TRPM6: variants seen among roughly 807,000 people sequenced by gnomAD.
TRPM6 encodes channel kinase 2.
Under a neutral mutation model 247.6 loss-of-function variants are expected in TRPM6, and 111 were observed. The observed-to-expected ratio is 0.45, with a 90% CI of 0.38 to 0.52. The LOEUF is 0.52. Ranked by LOEUF, TRPM6 falls within the 20% of genes least tolerant of loss-of-function variation. TRPM6 has a pLI of 0.00. For synonymous variants in TRPM6, 892 were observed against 853.8 expected (o/e 1.04, Z -0.78); for missense variants, 2,126 against 2,421.5 (o/e 0.88, Z 2.56).
At chr9:74,860,848 T>C (rs1277589797) in intron 1 of TRPM6, among the ~76,000 whole-genome samples, 1 of 152,012 alleles carries the variant, frequency 6.6e-6, no homozygotes. Context: ...TGAAACCCTG[T>C]CTCTACAAAA....
At chr9:74,875,313 T>G (rs1564062495) in intron 1 of TRPM6, 1 of 452,304 alleles carries the variant, frequency 2.2e-6, no homozygotes, top group African/African-American at 2.0e-5. Flanking sequence ...GAGACCGAGG[T>G]GGGTGGATCA....
chr9:74,793,693 C>A (rs766755855), intron 18 of TRPM6, among the ~76,000 whole-genome samples: 1 of 152,196 alleles, frequency 6.6e-6, no homozygotes, highest in Admixed American at 6.5e-5. Flanking sequence ...AGGATTCTGA[C>A]CTTCGATAGC....
At chr9:74,795,848 A>C (rs1165417032) in intron 18 of TRPM6, among the ~76,000 whole-genome samples, 2 of 152,208 alleles carry the variant, frequency 1.3e-5, no homozygotes, top group Non-Finnish European at 2.9e-5. Context: ...TCAGTGAGTA[A>C]ATGCAGTATT....
chr9:74,841,940 C>T lies in TRPM6; in HGVS notation c.330+226G>A, dbSNP rs146482795. Among the ~76,000 whole-genome samples, 889 of 152,046 alleles carry T rather than the reference C, an allele frequency of 5.8e-3. 12 individuals carry two copies. The highest frequency in any genetic ancestry group is 0.019 in the African/African-American group (784 of 41,484). On this transcript the variant is annotated intron_variant, in intron 4 of 38. Transcript: ENST00000360774. Reference sequence around the variant, plus strand: ...GGCAGAAACCTGTTAGTAGAAACCCCGTCTCTACTAAAAATACAAAATTAG... The same window carrying T: ...GGCAGAAACCTGTTAGTAGAAACCCTGTCTCTACTAAAAATACAAAATTAG...
intron 27 of TRPM6, among the ~76,000 whole-genome samples, chr9:74,755,696 T>C (rs1207657453): frequency 1.3e-5 from 2 of 152,210 alleles, no homozygotes. Flanking sequence ...CTCCACACCT[T>C]GGTTCTTAAT....
intron 19 of TRPM6, among the ~76,000 whole-genome samples, chr9:74,790,777 A>T (rs1402367966): frequency 2.0e-5 from 3 of 152,204 alleles, no homozygotes. Flanking sequence ...TAAGCAAAAG[A>T]CTACAAACAT....
At chr9:74,833,932 C>T (rs961778827) in intron 6 of TRPM6, 66 bp downstream of exon 6, 13 of 1,598,036 alleles carry the variant, frequency 8.1e-6, no homozygotes, top group Non-Finnish European at 1.1e-5. Flanking sequence ...CATCCAGGTA[C>T]AGTGTTAAGC....
At chr9:74,840,281 G>C (rs1564041455) in intron 4 of TRPM6, 44 bp from the exon 5 acceptor site, 1 of 1,422,238 alleles carries the variant, frequency 7.0e-7, no homozygotes, top group Non-Finnish European at 9.8e-7. Flanking sequence ...TTGTAAAAAA[G>C]TTATGCCAGG....
chr9:74,847,179 T>C (rs1399965711), intron 3 of TRPM6, among the ~76,000 whole-genome samples: 1 of 152,186 alleles, frequency 6.6e-6, no homozygotes, highest in Non-Finnish European at 1.5e-5. Context: ...TTTAAATTAT[T>C]ATAACATTCT....
At chr9:74,832,229 G>T (rs1026393290) in intron 6 of TRPM6, among the ~76,000 whole-genome samples, 1 of 152,048 alleles carries the variant, frequency 6.6e-6, no homozygotes, top group Non-Finnish European at 1.5e-5. Context: ...CAGAACAAAT[G>T]ACCCAGTTTC....
intron 17 of TRPM6, among the ~76,000 whole-genome samples, chr9:74,797,721 C>A (rs190173736): frequency 1.3e-5 from 2 of 151,946 alleles, no homozygotes; most frequent in Non-Finnish European, 2.9e-5. Context: ...TGTATTTAAA[C>A]GTTTAAAAAT....
Position 74,723,822 on chromosome 9 carries a change from A to G in TRPM6, c.*791T>C. 1 of 146,666 alleles carries G rather than the reference A, an allele frequency of 6.8e-6. No homozygotes were observed. The highest frequency in any genetic ancestry group is 2.0e-4 in the East Asian group (1 of 5,064). The allele number at this position is 146,666 out of a possible 1,614,324, so 9.1% of individuals were successfully genotyped here. On this transcript the variant is annotated 3_prime_UTR_variant, in exon 39 of 39. Transcript: ENST00000360774. Reference sequence around the variant, plus strand: ...CAAAAATAAAAATATATATATATATATATAAAATATATATATTCCATATGT... The same window carrying G: ...CAAAAATAAAAATATATATATATATGTATAAAATATATATATTCCATATGT...
intron 6 of TRPM6, 80 bp from the exon 7 acceptor site, chr9:74,828,029 T>A (rs1028344670): frequency 6.9e-7 from 1 of 1,445,980 alleles, no homozygotes. Flanking sequence ...CCTATCTTTA[T>A]GTGCTAAAAG....
At chr9:74,730,347 G>C (rs1825480891) in intron 37 of TRPM6, among the ~76,000 whole-genome samples, 1 of 152,188 alleles carries the variant, frequency 6.6e-6, no homozygotes, top group Non-Finnish European at 1.5e-5. Context: ...GGAAAGTTAA[G>C]AGACAGTAAG....
At chr9:74,853,216 A>G (rs1830410489) in intron 3 of TRPM6, among the ~76,000 whole-genome samples, 1 of 148,060 alleles carries the variant, frequency 6.8e-6, no homozygotes, top group Non-Finnish European at 1.5e-5. Context: ...TCCGCCCGGC[A>G]GCCGCCCCAT....
rs529238822 is a variant in TRPM6 at position 74,830,047 on chromosome 9, C to T, written c.670-2098G>A. Among the ~76,000 whole-genome samples the T allele has an allele frequency of 9.2e-5, 14 of 152,242 alleles. No homozygotes were observed. The South Asian group carries it at 2.9e-3, about 32-fold the overall frequency. The stretch of plus-strand genomic sequence containing the variant: ...TCTGGAGGCTGACATGGGAGGATCA[C>T]TTGAGCCCAACAGTTCAAGACTGCA... On this transcript the variant is annotated intron_variant, in intron 6 of 38. Coordinates refer to ENST00000360774, the MANE Select transcript of TRPM6 (RefSeq NM_017662.5).
At chr9:74,799,733 A>G (rs1335095520) in intron 17 of TRPM6, among the ~76,000 whole-genome samples, 1 of 152,194 alleles carries the variant, frequency 6.6e-6, no homozygotes, top group East Asian at 1.9e-4. Flanking sequence ...ATGTTTGTCT[A>G]TGCTTTTAAT....
At chr9:74,874,478 C>T (rs1245659974) in intron 1 of TRPM6, among the ~76,000 whole-genome samples, 2 of 152,148 alleles carry the variant, frequency 1.3e-5, no homozygotes, top group African/African-American at 4.8e-5. Flanking sequence ...GAAAGGAGAG[C>T]ACAGTTACCC....
chr9:74,829,940 C>T (rs938898058), intron 6 of TRPM6, among the ~76,000 whole-genome samples: 2 of 151,912 alleles, frequency 1.3e-5, no homozygotes, highest in Non-Finnish European at 1.5e-5. Flanking sequence ...ATCTGAACAA[C>T]ACAGCAAGGC....
Sources: gnomAD v4.1 joint callset for allele counts (sites outside exome capture counted in the v4.1 genomes callset) on GRCh38, gnomAD v4.1.1 for gene constraint, MANE v1.5 for transcripts, NCBI Gene and HGNC (gene_info 2026-07-23, HGNC 2026-07-21) for gene names.